ZFAT: variants seen among roughly 807,000 people sequenced by gnomAD.
ZFAT encodes zinc finger and AT-hook domain containing, also known as zinc finger protein ZFAT.
Under a neutral mutation model 117.7 loss-of-function variants are expected in ZFAT, and 64 were observed. The ratio of observed to expected loss-of-function variants is 0.54; its 90% CI spans 0.44 to 0.67. The LOEUF (loss-of-function observed/expected upper bound fraction) is 0.67, where lower values mean the gene tolerates loss of function less well. Ranked by LOEUF, ZFAT falls within the 30% of genes least tolerant of loss-of-function variation. The pLI is 0.00. For synonymous variants in ZFAT, 679 were observed against 615.0 expected (o/e 1.10, Z -1.54); for missense variants, 1,433 against 1,584.5 (o/e 0.90, Z 1.62).
chr8:134,778,207 AT>A, the ZFAT span, among the ~76,000 whole-genome samples: 1 of 152,094 alleles, frequency 6.6e-6, no homozygotes, highest in African/African-American at 2.4e-5. Flanking sequence ...TCATGCAATC[AT>A]TTTTCTTTTG....
chr8:134,790,494 T>C, the ZFAT span, among the ~76,000 whole-genome samples: 1 of 152,158 alleles, frequency 6.6e-6, no homozygotes, highest in Non-Finnish European at 1.5e-5. Flanking sequence ...AGCAGGAGTA[T>C]GCATGAGAGA....
rs528854607 is a variant in ZFAT at position 134,542,471 on chromosome 8, G to A, written c.2977-9499C>T. On this transcript the variant is annotated intron_variant, in intron 11 of 15. Transcript: ENST00000377838. The stretch of plus-strand genomic sequence containing the variant: ...TCCTCCTCCCACCACCCTCAAGCAG[G>A]CCCCAGTGTGTACTGTTCCCTTCTT... Among the ~76,000 whole-genome samples, 15 of 152,296 alleles carry A rather than the reference G, an allele frequency of 9.8e-5. 1 individual carries two copies. Among genetic ancestry groups the A allele is most frequent in the African/African-American group, 3.6e-4 (15 of 41,558 alleles).
the ZFAT span, among the ~76,000 whole-genome samples, chr8:134,721,286 G>A: frequency 3.9e-5 from 6 of 152,182 alleles, no homozygotes; most frequent in East Asian, 3.8e-4. Flanking sequence ...CTGAGCACCC[G>A]GGCCCGATGT....
At chr8:134,747,448 A>G in the ZFAT span, among the ~76,000 whole-genome samples, 3 of 151,962 alleles carry the variant, frequency 2.0e-5, no homozygotes, top group Non-Finnish European at 4.4e-5. Flanking sequence ...GAAATCTTAT[A>G]TAGATTATTA....
At chr8:134,807,404 AAAC>A in the ZFAT span, among the ~76,000 whole-genome samples, 1 of 151,954 alleles carries the variant, frequency 6.6e-6, no homozygotes, top group East Asian at 1.9e-4. Flanking sequence ...AATTAACAGG[AAAC>A]AACATTTTGT....
At chr8:134,781,896 G>C in the ZFAT span, among the ~76,000 whole-genome samples, 13 of 152,178 alleles carry the variant, frequency 8.5e-5, no homozygotes, top group Non-Finnish European at 1.8e-4. Context: ...CTAGCTTAAA[G>C]AATAGAGTAT....
intron 2 of ZFAT, among the ~76,000 whole-genome samples, chr8:134,642,217 G>A (rs891491803): frequency 1.3e-5 from 2 of 152,210 alleles, no homozygotes; most frequent in African/African-American, 4.8e-5. Context: ...AGTCAAAAAT[G>A]TATCTGCAGA....
At chr8:134,683,677 G>A (rs929895525) in intron 1 of ZFAT, among the ~76,000 whole-genome samples, 5 of 152,006 alleles carry the variant, frequency 3.3e-5, no homozygotes, top group African/African-American at 1.2e-4. Flanking sequence ...GAGCTGTGGC[G>A]GCTCCACCAA....
chr8:134,567,395 T>C (rs1228275047), intron 10 of ZFAT, among the ~76,000 whole-genome samples: 1 of 152,164 alleles, frequency 6.6e-6, no homozygotes, highest in South Asian at 2.1e-4. Flanking sequence ...ATTTCTTTCT[T>C]AGACAACAGC....
At chr8:134,809,559 G>C in the ZFAT span, among the ~76,000 whole-genome samples, 1 of 152,156 alleles carries the variant, frequency 6.6e-6, no homozygotes, top group Non-Finnish European at 1.5e-5. Flanking sequence ...CCTTAATTGT[G>C]ATTACAAATC....
At chr8:134,639,947 A>C (rs2131120585) in intron 2 of ZFAT, 1 of 359,330 alleles carries the variant, frequency 2.8e-6, no homozygotes, top group Non-Finnish European at 5.5e-6. Flanking sequence ...ACCCAAAGAG[A>C]AGTCTGGCCT....
intron 11 of ZFAT, among the ~76,000 whole-genome samples, chr8:134,541,903 C>T (rs1586673813): frequency 6.6e-6 from 1 of 152,216 alleles, no homozygotes; most frequent in Admixed American, 6.5e-5. Context: ...AGGTGGCTGG[C>T]GCCACATTCA....
chr8:134,556,981 T>A (rs750367924), intron 11 of ZFAT, among the ~76,000 whole-genome samples: 1 of 151,962 alleles, frequency 6.6e-6, no homozygotes, highest in African/African-American at 2.4e-5. Context: ...TATGTATTTT[T>A]AAAATATTTT....
chr8:134,683,446 G>A (rs941137101), intron 1 of ZFAT, among the ~76,000 whole-genome samples: 8 of 152,214 alleles, frequency 5.3e-5, no homozygotes, highest in African/African-American at 7.2e-5. Context: ...ACAGAAGCAC[G>A]TGTGGAGAAG....
At chr8:134,757,529 G>T in the ZFAT span, among the ~76,000 whole-genome samples, 45 of 152,250 alleles carry the variant, frequency 3.0e-4, no homozygotes, top group Non-Finnish European at 5.9e-4. Context: ...GGTGGGTGGG[G>T]TATTGGCAAT....
intron 4 of ZFAT, 137 bp from the exon 5 acceptor site, chr8:134,609,016 T>A: frequency 9.2e-7 from 1 of 1,089,900 alleles, no homozygotes; most frequent in Non-Finnish European, 1.2e-6. Context: ...TTCACTCAGC[T>A]CGCACATTTA....
chr8:134,568,194 T>C (rs1824619897), intron 10 of ZFAT, among the ~76,000 whole-genome samples: 1 of 152,264 alleles, frequency 6.6e-6, no homozygotes, highest in African/African-American at 2.4e-5. Flanking sequence ...GTTGTATCTA[T>C]TATTCCAGGT....
the ZFAT span, among the ~76,000 whole-genome samples, chr8:134,727,280 G>C: frequency 6.6e-6 from 1 of 152,214 alleles, no homozygotes; most frequent in Admixed American, 6.5e-5. Context: ...GAAGGAGCCA[G>C]GCTGGTGGAC....
chr8:134,740,915 T>C, the ZFAT span, among the ~76,000 whole-genome samples: 2 of 152,194 alleles, frequency 1.3e-5, no homozygotes, highest in African/African-American at 4.8e-5. Flanking sequence ...ATCCAGCTTG[T>C]CAACACCACT....
Sources: allele counts gnomAD v4.1 joint callset (sites outside exome capture counted in the v4.1 genomes callset), GRCh38; gene constraint gnomAD v4.1.1; transcripts MANE v1.5; gene names NCBI Gene and HGNC (gene_info 2026-07-23, HGNC 2026-07-21).